The following DGKZ variants were observed in gnomAD, a reference collection of about 807,000 sequenced individuals.
DGKZ encodes the protein DAG kinase zeta.
A neutral mutation model predicts 142.5 loss-of-function variants in DGKZ; 45 were observed. The observed-to-expected ratio is 0.32, with a 90% CI of 0.25 to 0.40. DGKZ has a LOEUF of 0.40. Among genes scored for constraint, DGKZ ranks in the 10% least tolerant of loss-of-function variants. The probability of loss-of-function intolerance (pLI) is 1.00; values close to 1 mark genes in which losing one functional copy is unlikely to be tolerated. For synonymous variants in DGKZ, 442 were observed against 527.0 expected, an observed-to-expected ratio of 0.84 and a Z score of 2.21; for missense variants, 755 against 1,306.5, an observed-to-expected ratio of 0.58 and a Z score of 6.51.
chr11:46,356,471 G>A (rs943906779), intron 1 of DGKZ, among the ~76,000 whole-genome samples: 1 of 152,206 alleles, frequency 6.6e-6, no homozygotes, highest in African/African-American at 2.4e-5. Context: ...TAGAAGCAAT[G>A]TGAGGCCCTG....
chr11:46,373,830 T>C (rs945094063), intron 14 of DGKZ, among the ~76,000 whole-genome samples: 2 of 152,220 alleles, frequency 1.3e-5, no homozygotes, highest in Non-Finnish European at 2.9e-5. Context: ...AGACATGCAC[T>C]GAGCGCCTGC....
chr11:46,345,487 G>T (rs773059287), upstream of DGKZ: 1 of 1,510,650 alleles, frequency 6.6e-7, no homozygotes, highest in South Asian at 1.3e-5. This position sits in a 1 kb window ranked among gnomAD's most constrained non-coding sequence, Gnocchi z 4.1. Context: ...TGGAGGCGCT[G>T]GGGACGGAAG....
chr11:46,371,629 C>T (rs778844329), intron 8 of DGKZ, 26 bp downstream of exon 8: 20 of 1,613,150 alleles, frequency 1.2e-5, no homozygotes, highest in Non-Finnish European at 1.5e-5. Context: ...ACCCTTGATG[C>T]CCCGTACGCA....
chr11:46,356,302 A>G (rs542000064), intron 1 of DGKZ, among the ~76,000 whole-genome samples: 3 of 152,276 alleles, frequency 2.0e-5, no homozygotes, highest in Admixed American at 6.5e-5. Flanking sequence ...CACCCAGTGC[A>G]GCAGGAAGTT....
chr11:46,345,637 G>A (rs1365694868), upstream of DGKZ: 18 of 1,456,386 alleles, frequency 1.2e-5, no homozygotes, highest in East Asian at 1.1e-4. This position sits in a 1 kb window ranked among gnomAD's most constrained non-coding sequence, Gnocchi z 4.1. Flanking sequence ...GTCCCTCTAT[G>A]AGCCTTTTAT....
upstream of DGKZ, chr11:46,345,677 CCCAT>C: frequency 2.3e-6 from 3 of 1,277,094 alleles, no homozygotes; most frequent in Admixed American, 6.9e-5. This position sits in a 1 kb window ranked among gnomAD's most constrained non-coding sequence, Gnocchi z 4.1. Context: ...AGTAGGGTCA[CCCAT>C]CTGTCATCCA....
At chr11:46,375,386 G>T (rs773355992) in intron 19 of DGKZ, 46 bp from the exon 20 acceptor site, 4 of 1,525,056 alleles carry the variant, frequency 2.6e-6, no homozygotes, top group African/African-American at 1.4e-5. Flanking sequence ...GGACCCCCCT[G>T]CCCCCAGCCC....
chr11:46,371,358 A>G, exon 7 of DGKZ: 3 of 1,613,914 alleles, frequency 1.9e-6, no homozygotes, highest in Non-Finnish European at 2.5e-6. Context: ...GATTGTGGCC[A>G]TCAGCTGCTC....
intron 1 of DGKZ, among the ~76,000 whole-genome samples, chr11:46,335,129 C>T (rs1939951010): frequency 6.6e-6 from 1 of 152,052 alleles, no homozygotes; most frequent in Admixed American, 6.5e-5. Flanking sequence ...GCCTGGCCAA[C>T]ATGGTGAAAC....
intron 6 of DGKZ, among the ~76,000 whole-genome samples, 156 bp from the exon 7 acceptor site, chr11:46,371,157 G>T (rs934033082): frequency 1.3e-5 from 2 of 152,140 alleles, no homozygotes; most frequent in Non-Finnish European, 2.9e-5. Context: ...TTACTTGGGG[G>T]GGCTGAGGCA....
At chr11:46,344,705 C>T (rs191925548), upstream of DGKZ, among the ~76,000 whole-genome samples, 17 of 152,276 alleles carry the variant, frequency 1.1e-4, no homozygotes, top group East Asian at 3.1e-3. Context: ...CTGCCCACCT[C>T]GGCCTCCCAA....
At chr11:46,379,434 G>A (rs746314265) in intron 29 of DGKZ, 35 bp from the exon 30 acceptor site, 15 of 1,596,100 alleles carry the variant, frequency 9.4e-6, no homozygotes, top group Admixed American at 1.7e-5. Context: ...ATCAGGGGAC[G>A]GGATGGGGTA....
At chr11:46,378,165 T>C in intron 25 of DGKZ, 33 bp from the exon 26 acceptor site, 1 of 1,602,980 alleles carries the variant, frequency 6.2e-7, no homozygotes, top group Non-Finnish European at 8.5e-7. Flanking sequence ...GCCTGTGCCG[T>C]AGCCGGTCAC....
At chr11:46,347,386 G>A, upstream of DGKZ, 2 of 983,986 alleles carry the variant, frequency 2.0e-6, no homozygotes, top group African/African-American at 1.8e-5. This position sits in a 1 kb window ranked among gnomAD's most constrained non-coding sequence, Gnocchi z 6.4. Flanking sequence ...GTGCCACCGT[G>A]CGGCCGAGGG....
chr11:46,379,324 A>G (rs1160309758), intron 29 of DGKZ, 88 bp downstream of exon 29: 21 of 1,591,088 alleles, frequency 1.3e-5, no homozygotes, highest in Non-Finnish European at 1.8e-5. Context: ...AGAGCCCATA[A>G]ACTTCCTGGT....
At chr11:46,378,065 TG>T in intron 25 of DGKZ, 132 bp from the exon 26 acceptor site, 1 of 1,163,732 alleles carries the variant, frequency 8.6e-7, no homozygotes, top group Non-Finnish European at 1.2e-6. Flanking sequence ...CCCCAGTGCC[TG>T]GAATAGTGCT....
chr11:46,360,185 G>T (rs1313813352), intron 1 of DGKZ, among the ~76,000 whole-genome samples: 1 of 152,116 alleles, frequency 6.6e-6, no homozygotes, highest in Non-Finnish European at 1.5e-5. Flanking sequence ...TGCAAAAAAT[G>T]TAAAATGATG....
At chr11:46,334,443 G>C (rs149840772) in intron 1 of DGKZ, among the ~76,000 whole-genome samples, 1 of 152,202 alleles carries the variant, frequency 6.6e-6, no homozygotes, top group Non-Finnish European at 1.5e-5. Flanking sequence ...GGGGTGTTTG[G>C]GATATGTCTG....
At chr11:46,378,721 T>C (rs1401593084) in intron 27 of DGKZ, 8 of 835,302 alleles carry the variant, frequency 9.6e-6, no homozygotes, top group African/African-American at 6.7e-5. Context: ...TCAGTCCACC[T>C]GTCCCTGGTG....
Sources: gnomAD v4.1 joint callset for allele counts (sites outside exome capture counted in the v4.1 genomes callset) on GRCh38, gnomAD v4.1.1 for gene constraint, Gnocchi (gnomAD v3.1) non-coding constraint, MANE v1.5 for transcripts, NCBI Gene and HGNC (gene_info 2026-07-23, HGNC 2026-07-21) for gene names.